CDC42BPA: variants seen among roughly 807,000 people sequenced by gnomAD.
CDC42BPA encodes CDC42 binding protein kinase alpha, also known as serine/threonine-protein kinase MRCK alpha.
CDC42BPA carries 80 observed loss-of-function variants against 223.5 expected under a neutral mutation model. The ratio of observed to expected loss-of-function variants is 0.36; its 90% CI spans 0.30 to 0.43. The LOEUF (loss-of-function observed/expected upper bound fraction) is 0.43. CDC42BPA is among the 20% of genes least tolerant of loss of function. The pLI is 1.00. For synonymous variants in CDC42BPA, 694 were observed against 718.6 expected, an observed-to-expected ratio of 0.97 and a Z score of 0.55; for missense variants, 1,743 against 2,099.9, an observed-to-expected ratio of 0.83 and a Z score of 3.32.
chr1:227,240,167 TATC>T, intron 2 of CDC42BPA, among the ~76,000 whole-genome samples: 1 of 152,088 alleles, frequency 6.6e-6, no homozygotes, highest in Non-Finnish European at 1.5e-5. Context: ...ATTTTAAAGA[TATC>T]ATTTATCAGA....
rs200441705 is a variant in CDC42BPA at position 227,003,393 on chromosome 1, C to T, written c.4975+1601G>A. ...CTCTCTCTGATCTCCAAGCAAGTAC[C>T]ATGCTCCCGGGAAAGCACACACTTG... is the stretch of plus-strand genomic sequence containing the variant. On this transcript the variant is annotated intron_variant, in intron 35 of 36. Coordinates refer to ENST00000366766, the MANE Select transcript of CDC42BPA (RefSeq NM_001394014.1). 7.2e-5 allele frequency among the ~76,000 whole-genome samples: 11 copies of T among 152,296 alleles called. No individual in the cohort carries two copies. In the East Asian group the frequency reaches 2.1e-3, roughly 29 times the overall value.
At chr1:227,023,799 A>T (rs988731106) in intron 31 of CDC42BPA, among the ~76,000 whole-genome samples, 10 of 152,186 alleles carry the variant, frequency 6.6e-5, no homozygotes, top group Non-Finnish European at 1.2e-4. Context: ...CCAAGCATGA[A>T]TTCCAGTTGG....
intron 34 of CDC42BPA, among the ~76,000 whole-genome samples, chr1:227,013,544 G>T (rs1005420760): frequency 6.6e-6 from 1 of 152,022 alleles, no homozygotes; most frequent in East Asian, 1.9e-4. Context: ...AAGAACTCTG[G>T]AACATTAGCA....
At chr1:227,275,057 T>C (rs1317449052) in intron 1 of CDC42BPA, among the ~76,000 whole-genome samples, 2 of 147,318 alleles carry the variant, frequency 1.4e-5, no homozygotes, top group African/African-American at 5.1e-5. Context: ...CTGAATCTAG[T>C]AGACACAAAT....
rs10599884 is a variant in CDC42BPA at position 227,273,995 on chromosome 1, C to CAAAAAAAAAAAAAAAAAA, written c.179-19858_179-19841dup. On this transcript the variant is annotated intron_variant, in intron 1 of 36. Transcript: ENST00000366766. Reference sequence around the variant, plus strand: ...ATAGTTTTCAAATATTCGTATACACCAAAAAAAAAAAAAAAAAAAAAAAAA... The same window carrying CAAAAAAAAAAAAAAAAAA: ...ATAGTTTTCAAATATTCGTATACACCAAAAAAAAAAAAAAAAAAAAAAAAAAAAAAAAAAAAAAAAAAA... Among the ~76,000 whole-genome samples, 38 of 57,004 alleles carry CAAAAAAAAAAAAAAAAAA rather than the reference C, an allele frequency of 6.7e-4. 1 individual carries two copies. Among genetic ancestry groups the CAAAAAAAAAAAAAAAAAA allele is most frequent in the African/African-American group, 1.9e-3 (29 of 15,672 alleles). 37.4% of individuals were successfully genotyped at this position (57,004 alleles called of 152,430 possible). A position where few individuals can be genotyped will look rare whatever the true frequency, so the allele number is the denominator to read the frequency against.
intron 33 of CDC42BPA, 78 bp downstream of exon 33, chr1:227,016,849 A>G: frequency 1.4e-6 from 2 of 1,385,180 alleles, no homozygotes; most frequent in Non-Finnish European, 1.9e-6. Context: ...TTTCCTTCCA[A>G]ATCAAATATA....
intron 21 of CDC42BPA, among the ~76,000 whole-genome samples, chr1:227,054,396 C>G (rs1428974379): frequency 6.6e-6 from 1 of 152,282 alleles, no homozygotes; most frequent in East Asian, 1.9e-4. Context: ...CTTCTACTTT[C>G]TCGCATTAAA....
chr1:227,188,113 T>A, intron 5 of CDC42BPA, among the ~76,000 whole-genome samples: 1 of 152,132 alleles, frequency 6.6e-6, no homozygotes, highest in African/African-American at 2.4e-5. Flanking sequence ...AAATAAAAAC[T>A]TTTACCTTTT....
intron 30 of CDC42BPA, among the ~76,000 whole-genome samples, chr1:227,026,831 T>C (rs527719352): frequency 2.6e-5 from 4 of 152,328 alleles, no homozygotes; most frequent in African/African-American, 9.6e-5. Context: ...TTTGTGTTTT[T>C]AGAGATAAGG....
chr1:227,110,065 G>C (rs1212183235), intron 14 of CDC42BPA, among the ~76,000 whole-genome samples: 1 of 152,084 alleles, frequency 6.6e-6, no homozygotes, highest in African/African-American at 2.4e-5. Context: ...CACGAATGCA[G>C]AACTCATGGA....
chr1:227,064,641 C>G (rs1489070373), intron 21 of CDC42BPA, among the ~76,000 whole-genome samples: 1 of 152,126 alleles, frequency 6.6e-6, no homozygotes, highest in African/African-American at 2.4e-5. Context: ...CAGTCCAAGA[C>G]TGGGCATGCA....
rs1572112514 is a variant in CDC42BPA, at chr1:226,993,502, G to C, written c.*766C>G. ...TTTTCTACAGCTCCCCAGGTGACTA[G>C]AGCCTATGACCAGTTTGAGGACAGG... On this transcript the variant is annotated 3_prime_UTR_variant, in exon 37 of 37. Transcript: ENST00000366766. 1.3e-5 allele frequency: 2 copies of C among 152,564 alleles called. No homozygotes were observed. The highest frequency in any genetic ancestry group is 3.9e-4 in the East Asian group (2 of 5,186). 9.5% of individuals were successfully genotyped at this position (152,564 alleles called of 1,614,324 possible).
At chr1:227,221,233 A>C (rs753606230) in intron 2 of CDC42BPA, among the ~76,000 whole-genome samples, 3 of 152,134 alleles carry the variant, frequency 2.0e-5, no homozygotes, top group Non-Finnish European at 4.4e-5. Context: ...ATTGTTCCCC[A>C]AGGATCTCTA....
intron 2 of CDC42BPA, among the ~76,000 whole-genome samples, chr1:227,221,905 G>A (rs1440394468): frequency 6.6e-6 from 1 of 151,634 alleles, no homozygotes; most frequent in Non-Finnish European, 1.5e-5. Context: ...CAGCCTTTTG[G>A]TATAAAAACT....
chr1:227,065,016 G>A (rs1676708226), intron 21 of CDC42BPA, among the ~76,000 whole-genome samples: 3 of 152,192 alleles, frequency 2.0e-5, no homozygotes, highest in Admixed American at 2.0e-4. Context: ...AGAATGGCGT[G>A]AACCCGGGAG....
intron 2 of CDC42BPA, among the ~76,000 whole-genome samples, chr1:227,224,110 ATTTAT>A (rs1676416300): frequency 6.6e-6 from 1 of 151,900 alleles, no homozygotes; most frequent in African/African-American, 2.4e-5. Flanking sequence ...TTTTGTTTTT[ATTTAT>A]TTTATGAAGT....
At chr1:227,029,755 A>G (rs2148652222) in intron 29 of CDC42BPA, among the ~76,000 whole-genome samples, 1 of 152,300 alleles carries the variant, frequency 6.6e-6, no homozygotes, top group African/African-American at 2.4e-5. Context: ...AAACAAACAC[A>G]TTTTAATAGC....
Position 227,069,829 on chromosome 1 carries a change from T to A in CDC42BPA, c.2852A>T (p.His951Leu). Residue 951 changes from histidine (H) to leucine (L), a missense_variant, in exon 21 of 37, where the codon CAT (histidine) becomes CTT (leucine). His to Leu is a moderately conservative substitution (Grantham distance 99). Around this residue, in one of 6 missense-constraint regions of CDC42BPA, gnomAD observed 678 missense variants for 777.5 expected, o/e 0.87. Transcript: ENST00000366766. Reference sequence around the variant, plus strand: ...CGTATTCAAAAATGCCAAGAAAGAATGCTGTGAGTCTTGGTGCTCTATACC... The same window carrying A: ...CGTATTCAAAAATGCCAAGAAAGAAAGCTGTGAGTCTTGGTGCTCTATACC... ...EKGIEHQDSQHSFLAFLNTPT... is the reference protein window; with the variant it reads ...EKGIEHQDSQLSFLAFLNTPT... 4 of 1,611,750 alleles carry A rather than the reference T, an allele frequency of 2.5e-6. No individual in the cohort carries two copies. Among genetic ancestry groups the A allele is most frequent in the Non-Finnish European group, 3.4e-6 (4 of 1,178,262 alleles).
chr1:227,111,506 A>G (rs1008264367), intron 14 of CDC42BPA, among the ~76,000 whole-genome samples: 3 of 152,176 alleles, frequency 2.0e-5, no homozygotes, highest in African/African-American at 7.2e-5. Context: ...GTTTTGTTTA[A>G]GACGGAGTTT....
Sources: gnomAD v4.1 joint callset for allele counts (sites outside exome capture counted in the v4.1 genomes callset) on GRCh38, gnomAD v4.1.1 for gene constraint, gnomAD v4.1.1 regional missense constraint, MANE v1.5 for transcripts, NCBI Gene and HGNC (gene_info 2026-07-23, HGNC 2026-07-21) for gene names.